Variants in FOCAD observed in about 807,000 individuals in gnomAD.
FOCAD encodes focadhesin.
A neutral mutation model predicts 225.6 loss-of-function variants in FOCAD; 198 were observed. The ratio of observed to expected loss-of-function variants is 0.88; its 90% confidence interval spans 0.78 to 0.99. FOCAD has a LOEUF of 0.99. Among genes scored for constraint, FOCAD ranks in the 50% least tolerant of loss-of-function variants. The probability of loss-of-function intolerance (pLI) is 0.00; values close to 1 mark genes in which losing one functional copy is unlikely to be tolerated. For synonymous variants in FOCAD, 897 were observed against 755.0 expected (o/e 1.19, Z -3.08); for missense variants, 2,713 against 2,123.6 (o/e 1.28, Z -5.46).
At chr9:20,705,255 T>A (rs1380301021) in intron 1 of FOCAD, among the ~76,000 whole-genome samples, 1 of 152,234 alleles carries the variant, frequency 6.6e-6, no homozygotes, top group East Asian at 1.9e-4. Context: ...CCAGTGTACC[T>A]ATTATTAACA....
intron 35 of FOCAD, among the ~76,000 whole-genome samples, chr9:20,969,388 G>A (rs952486460): frequency 2.6e-5 from 4 of 151,908 alleles, no homozygotes; most frequent in African/African-American, 4.8e-5. Context: ...GCCTCCAACC[G>A]TTACTGTAGA....
At chr9:20,679,572 C>G (rs1822338630), upstream of FOCAD, among the ~76,000 whole-genome samples, 1 of 151,998 alleles carries the variant, frequency 6.6e-6, no homozygotes, top group African/African-American at 2.4e-5. Flanking sequence ...ATTTTTCTTA[C>G]TCTCTTTTTT....
intron 2 of FOCAD, among the ~76,000 whole-genome samples, chr9:20,659,444 C>A (rs73436424): frequency 0.11 from 3,448 of 30,170 alleles, 58 homozygotes; most frequent in Non-Finnish European, 0.13. Flanking sequence ...GAAAGAAAGA[C>A]AGACAGACAG....
chr9:20,677,473 A>G (rs867447209), intron 2 of FOCAD, among the ~76,000 whole-genome samples: 17 of 152,320 alleles, frequency 1.1e-4, no homozygotes, highest in African/African-American at 4.1e-4. Context: ...TTTATGTGAT[A>G]AAGGGTTAAT....
chr9:20,789,591 C>G lies in FOCAD; in HGVS notation c.1438C>G (p.Gln480Glu). ...ACTCAAGGTCACTACAGAATTAGCC[C>G]AAGCAGATTCCTCCCAGGTAAAGCA... ...QILKVTTELA[Q>E]ADSSQVPNLI... The change falls in exon 11 of 44, where the codon CAA (glutamine) becomes GAA (glutamate). Residue 480 changes from glutamine (Q) to glutamate (E), a missense_variant. Physicochemically the swap from Gln to Glu is conservative, Grantham distance 29. Coordinates refer to ENST00000338382, the MANE Select transcript of FOCAD (RefSeq NM_001375567.1). 6.2e-7 allele frequency: 1 copy of G among 1,613,812 alleles called. No individual in the cohort carries two copies. Among genetic ancestry groups the G allele is most frequent in the African/African-American group, 1.3e-5 (1 of 74,980 alleles).
At chr9:20,892,717 G>A (rs749438559) in intron 21 of FOCAD, among the ~76,000 whole-genome samples, 5 of 152,078 alleles carry the variant, frequency 3.3e-5, no homozygotes, top group Admixed American at 6.6e-5. Flanking sequence ...TTACATAAAC[G>A]TACCTGATAA....
At chr9:20,817,648 G>A (rs1256708553) in intron 11 of FOCAD, among the ~76,000 whole-genome samples, 1 of 119,032 alleles carries the variant, frequency 8.4e-6, no homozygotes, top group Non-Finnish European at 1.9e-5. Flanking sequence ...ATAACATGAG[G>A]CCTTTTGTGG....
rs867958075 is a variant in FOCAD at position 20,753,329 on chromosome 9, G to A, written c.393-4761G>A. ...GATAGCTCTTATTATTTTGAAATACGTCCCATCAATACCTAATTTATTGAG... is the reference window on the plus strand; with the variant it reads ...GATAGCTCTTATTATTTTGAAATACATCCCATCAATACCTAATTTATTGAG... On this transcript the variant is annotated intron_variant, in intron 5 of 43. Transcript: ENST00000338382. Among the ~76,000 whole-genome samples the A allele has an allele frequency of 5.7e-3, 865 of 151,678 alleles. 9 individuals are homozygous for A. The highest frequency in any genetic ancestry group is 0.02 in the African/African-American group (831 of 41,326).
intron 2 of FOCAD, among the ~76,000 whole-genome samples, chr9:20,660,775 G>C (rs1156739621): frequency 2.0e-5 from 3 of 152,030 alleles, no homozygotes; most frequent in African/African-American, 7.2e-5. Context: ...TGGGTTTGAG[G>C]GAGAAGGATC....
At chr9:20,907,074 A>G (rs1833040436) in intron 21 of FOCAD, 76 bp from the exon 22 acceptor site, 2 of 1,166,732 alleles carry the variant, frequency 1.7e-6, no homozygotes, top group African/African-American at 3.1e-5. Context: ...AAAAGAAAGA[A>G]CTGATGAAAC....
intron 35 of FOCAD, among the ~76,000 whole-genome samples, chr9:20,963,006 C>G (rs967330902): frequency 1.3e-5 from 2 of 152,182 alleles, no homozygotes; most frequent in African/African-American, 4.8e-5. Flanking sequence ...GGGACTCCCT[C>G]TCTTTCTTTC....
At chr9:20,865,246 A>G (rs1202111436) in intron 16 of FOCAD, among the ~76,000 whole-genome samples, 1 of 152,078 alleles carries the variant, frequency 6.6e-6, no homozygotes, top group Non-Finnish European at 1.5e-5. Context: ...TATTTGTGCT[A>G]TTGGACTTGG....
intron 11 of FOCAD, among the ~76,000 whole-genome samples, chr9:20,790,189 G>A (rs1177928140): frequency 6.6e-6 from 1 of 152,112 alleles, no homozygotes; most frequent in Non-Finnish European, 1.5e-5. Flanking sequence ...AAGCAGTCAG[G>A]CATTAATAAG....
chr9:20,755,087 A>C (rs1177612805), intron 5 of FOCAD, among the ~76,000 whole-genome samples: 4 of 152,206 alleles, frequency 2.6e-5, no homozygotes, highest in Non-Finnish European at 5.9e-5. Context: ...GCTGATCAAC[A>C]GGAAGATTCA....
intron 1 of FOCAD, chr9:20,694,453 A>G (rs1007277953): frequency 6.6e-6 from 1 of 152,080 alleles, no homozygotes; most frequent in African/African-American, 2.4e-5. Flanking sequence ...TAAAAATGAT[A>G]CTCTCTATAT....
chr9:20,847,989 A>G lies in FOCAD; in HGVS notation c.1921-14589A>G, dbSNP rs191425926. Among the ~76,000 whole-genome samples the G allele has an allele frequency of 7.0e-4, 106 of 152,220 alleles. 1 individual carries two copies. Among genetic ancestry groups the G allele is most frequent in the Admixed American group, 2.0e-3 (31 of 15,258 alleles). ...AAAGTGTGACTCAAGTATTCTATGT[A>G]TATGACAGGAAAGTCAGAAATTATG... On this transcript the variant is annotated intron_variant, in intron 15 of 43. Transcript: ENST00000338382.
At chr9:20,981,184 G>A (rs928310928) in intron 37 of FOCAD, among the ~76,000 whole-genome samples, 2 of 152,136 alleles carry the variant, frequency 1.3e-5, no homozygotes, top group Non-Finnish European at 2.9e-5. Flanking sequence ...GTTCACAGAT[G>A]GGTTGGCAGA....
At chr9:20,699,984 C>G (rs1823808591) in intron 1 of FOCAD, among the ~76,000 whole-genome samples, 1 of 151,214 alleles carries the variant, frequency 6.6e-6, no homozygotes, top group Non-Finnish European at 1.5e-5. Context: ...CTTGAATATG[C>G]TGCTTGATAT....
intron 11 of FOCAD, among the ~76,000 whole-genome samples, chr9:20,815,887 A>T (rs990096944): frequency 2.0e-5 from 3 of 152,132 alleles, no homozygotes; most frequent in African/African-American, 4.8e-5. Context: ...ATAATAATAA[A>T]AAATTAGTCC....
Sources: allele counts gnomAD v4.1 joint callset (sites outside exome capture counted in the v4.1 genomes callset), GRCh38; gene constraint gnomAD v4.1.1; transcripts MANE v1.5; gene names NCBI Gene and HGNC (gene_info 2026-07-23, HGNC 2026-07-21).